Variants in NUP155 observed in about 807,000 individuals in gnomAD.
NUP155 encodes nucleoporin 155, also known as nuclear pore complex protein Nup155.
A neutral mutation model predicts 180.4 loss-of-function variants in NUP155; 71 were observed. The observed-to-expected ratio is 0.39, with a 90% CI of 0.33 to 0.48. The LOEUF is 0.48. Among genes scored for constraint, NUP155 ranks in the 20% least tolerant of loss-of-function variants. The probability of loss-of-function intolerance (pLI) is 0.91; values close to 1 mark genes in which losing one functional copy is unlikely to be tolerated. For missense variants in NUP155, 1,553 were observed against 1,648.9 expected (o/e 0.94, Z 1.01); for synonymous variants, 582 against 559.5 (o/e 1.04, Z -0.57).
intron 1 of NUP155, among the ~76,000 whole-genome samples, chr5:37,370,286 C>A (rs1488719847): frequency 6.6e-6 from 1 of 152,196 alleles, no homozygotes; most frequent in Admixed American, 6.5e-5. Context: ...GCAGAAGAAT[C>A]GCTTGAACCC....
intron 6 of NUP155, among the ~76,000 whole-genome samples, chr5:37,350,501 T>C (rs1448180404): frequency 6.6e-6 from 1 of 152,108 alleles, no homozygotes; most frequent in Non-Finnish European, 1.5e-5. Flanking sequence ...GACATACTGT[T>C]AGATGAAAAG....
intron 9 of NUP155, among the ~76,000 whole-genome samples, chr5:37,343,563 GT>G (rs1332520223): frequency 6.6e-6 from 1 of 152,064 alleles, no homozygotes; most frequent in East Asian, 1.9e-4. Context: ...GGGGAGCAGT[GT>G]TCTCAGTGTC....
chr5:37,370,673 G>A (rs1365543439), intron 1 of NUP155, 148 bp downstream of exon 1: 5 of 1,601,242 alleles, frequency 3.1e-6, no homozygotes, highest in Middle Eastern at 2.3e-4. Context: ...AACCTGAAAA[G>A]AAGCTGCTTG....
At chr5:37,313,374 C>T (rs569628168) in intron 22 of NUP155, among the ~76,000 whole-genome samples, 13 of 150,624 alleles carry the variant, frequency 8.6e-5, no homozygotes, top group East Asian at 7.8e-4. Context: ...GAGGTTGCAG[C>T]GAGCCGAGAT....
chr5:37,325,774 A>C, intron 19 of NUP155, 127 bp downstream of exon 19: 1 of 607,518 alleles, frequency 1.6e-6, no homozygotes, highest in Admixed American at 3.1e-5. Context: ...GTCTCAAAAA[A>C]AAAAAAAAAA....
intron 3 of NUP155, among the ~76,000 whole-genome samples, chr5:37,361,258 T>C (rs1487877866): frequency 2.0e-5 from 2 of 102,132 alleles, no homozygotes; most frequent in Non-Finnish European, 3.5e-5. Flanking sequence ...AGAGCGAGAC[T>C]CTGTCTCAAA....
intron 3 of NUP155, among the ~76,000 whole-genome samples, 153 bp downstream of exon 3, chr5:37,363,735 T>C (rs2111717489): frequency 6.6e-6 from 1 of 152,308 alleles, no homozygotes; most frequent in Middle Eastern, 3.4e-3. Context: ...AATGCACATT[T>C]GAACATCTCC....
intron 1 of NUP155, among the ~76,000 whole-genome samples, chr5:37,370,355 A>G (rs1038845662): frequency 6.6e-6 from 1 of 152,226 alleles, no homozygotes; most frequent in Non-Finnish European, 1.5e-5. Context: ...CTGGGCGAAG[A>G]GGGAACCGCT....
At chr5:37,317,536 T>C (rs1743972189) in intron 21 of NUP155, among the ~76,000 whole-genome samples, 1 of 151,924 alleles carries the variant, frequency 6.6e-6, no homozygotes, top group African/African-American at 2.4e-5. Flanking sequence ...TTATGGTATA[T>C]ATATATTTCA....
rs900085086 is a variant in NUP155 at position 37,290,571 on chromosome 5, T to A, written c.*1329A>T. ...CTCTTGTTGCTATTACTTTGAAGCA[T>A]TTGGTTTGGTTATTCTATTTTGTTA... On this transcript the variant is annotated 3_prime_UTR_variant, in exon 35 of 35. Transcript: ENST00000231498. 5.3e-5 allele frequency: 8 copies of A among 152,178 alleles called. No homozygotes were observed. The highest frequency in any genetic ancestry group is 1.0e-4 in the Non-Finnish European group (7 of 68,024). The allele number at this position is 152,178 out of a possible 1,614,324, so 9.4% of individuals were successfully genotyped here. A position where few individuals can be genotyped will look rare whatever the true frequency, so the allele number is the denominator to read the frequency against.
At position 37,308,699 on chromosome 5, in the gene NUP155, T is replaced by TA. The variant is rs1377769816; in HGVS notation, c.2767+429dup. 1.1e-3 allele frequency among the ~76,000 whole-genome samples: 151 copies of TA among 140,652 alleles called. 2 individuals carry two copies. The highest frequency in any genetic ancestry group is 3.4e-3 in the Admixed American group (47 of 13,980). 92.3% of individuals were successfully genotyped at this position (140,652 alleles called of 152,430 possible). A position where few individuals can be genotyped will look rare whatever the true frequency, so the allele number is the denominator to read the frequency against. On this transcript the variant is annotated intron_variant, in intron 24 of 34. Coordinates refer to ENST00000231498, the MANE Select transcript of NUP155 (RefSeq NM_153485.3). ...GACAGAGCAAGACTCTGTCTCAAAA[T>TA]AAAAAAAATAAAAAAATAAAAAAAT...
At chr5:37,327,798 C>G (rs1744701532) in intron 17 of NUP155, 22 bp from the exon 18 acceptor site, 1 of 1,612,590 alleles carries the variant, frequency 6.2e-7, no homozygotes, top group Non-Finnish European at 8.5e-7. Context: ...ATAAGAAAAA[C>G]AAATCTCTTA....
At chr5:37,303,030 A>G in intron 28 of NUP155, 122 bp from the exon 29 acceptor site, 2 of 1,189,544 alleles carry the variant, frequency 1.7e-6, no homozygotes, top group Non-Finnish European at 2.4e-6. Context: ...AAACTTGAAA[A>G]AAAATCATTA....
chr5:37,309,421 A>T (rs535923070), intron 23 of NUP155, 154 bp from the exon 24 acceptor site: 2 of 681,614 alleles, frequency 2.9e-6, no homozygotes, highest in East Asian at 5.6e-5. Context: ...TTTTAGGCAG[A>T]AAAGTTTTTG....
At chr5:37,304,872 C>T (rs752068088) in intron 26 of NUP155, 29 bp from the exon 27 acceptor site, 25 of 1,583,520 alleles carry the variant, frequency 1.6e-5, no homozygotes, top group Non-Finnish European at 2.1e-5. Flanking sequence ...TAAAAATTAG[C>T]AGTTAAAGGC....
At chr5:37,310,156 A>G (rs916618863) in intron 23 of NUP155, among the ~76,000 whole-genome samples, 5 of 152,054 alleles carry the variant, frequency 3.3e-5, no homozygotes, top group African/African-American at 9.7e-5. Flanking sequence ...CTGTGCAACA[A>G]ATCAGAACTT....
chr5:37,294,581 T>C (rs1432605074), intron 32 of NUP155, 116 bp from the exon 33 acceptor site: 4 of 1,065,704 alleles, frequency 3.8e-6, no homozygotes, highest in Non-Finnish European at 5.6e-6. Context: ...CCAATTGCAA[T>C]TTTTTGGGGC....
intron 11 of NUP155, among the ~76,000 whole-genome samples, chr5:37,340,558 C>A (rs1222198183): frequency 6.6e-6 from 1 of 152,098 alleles, no homozygotes; most frequent in East Asian, 1.9e-4. Context: ...TATAGACCAA[C>A]AGAATAGAAC....
chr5:37,365,184 G>A (rs1330408729), intron 1 of NUP155, among the ~76,000 whole-genome samples: 3 of 151,764 alleles, frequency 2.0e-5, no homozygotes, highest in African/African-American at 4.8e-5. Context: ...GCTTGAACCC[G>A]GGAGGCGGAA....
Sources: gnomAD v4.1 joint callset for allele counts (sites outside exome capture counted in the v4.1 genomes callset) on GRCh38, gnomAD v4.1.1 for gene constraint, MANE v1.5 for transcripts, NCBI Gene and HGNC (gene_info 2026-07-23, HGNC 2026-07-21) for gene names.